ACAD8: variants seen among roughly 807,000 people sequenced by gnomAD.
The protein encoded by ACAD8 is isobutyryl-CoA dehydrogenase, mitochondrial.
ACAD8 carries 47 observed loss-of-function variants against 53.1 expected under a neutral mutation model. The observed-to-expected ratio is 0.89, with a 90% CI of 0.70 to 1.13. The LOEUF (loss-of-function observed/expected upper bound fraction) is 1.13, where lower values mean the gene tolerates loss of function less well. Ranked by LOEUF, ACAD8 falls within the 50% of genes most tolerant of loss-of-function variation. The probability of loss-of-function intolerance (pLI) is 0.00; values close to 1 mark genes in which losing one functional copy is unlikely to be tolerated. For synonymous variants in ACAD8, 198 were observed against 201.3 expected (o/e 0.98, Z 0.14); for missense variants, 494 against 535.0 (o/e 0.92, Z 0.76).
At chr11:134,257,692 A>G (rs897700847) in intron 3 of ACAD8, 1 of 287,068 alleles carries the variant, frequency 3.5e-6, no homozygotes. Flanking sequence ...AATAAATAAA[A>G]TAAGTACACG....
chr11:134,259,732 A>G lies in ACAD8; in HGVS notation c.692A>G (p.Lys231Arg). 6.2e-7 allele frequency: 1 copy of G among 1,614,226 alleles called. No individual in the cohort carries two copies. The highest frequency in any genetic ancestry group is 8.5e-7 in the Non-Finnish European group (1 of 1,180,042). ...GGGACCCCTGGCCTCAGCTTTGGCA[A>G]GAAGGAGAAAAAGGTGAGTGGCTGT... The part of the protein sequence containing the change: ...EKGTPGLSFG[K>R]KEKKVGWNSQ... The change falls in exon 6 of 11, where the codon AAG (lysine) becomes AGG (arginine). Residue 231 changes from lysine (K) to arginine (R), a missense_variant. Transcript: ENST00000281182.
At chr11:134,258,158 C>T (rs928485022) in intron 3 of ACAD8, 36 of 353,388 alleles carry the variant, frequency 1.0e-4, no homozygotes, top group Middle Eastern at 9.8e-4. Context: ...CCCCTCTCAC[C>T]CTTTTCCTCA....
intron 1 of ACAD8, among the ~76,000 whole-genome samples, chr11:134,256,142 G>A (rs891149988): frequency 1.3e-5 from 2 of 152,258 alleles, no homozygotes; most frequent in South Asian, 4.1e-4. Flanking sequence ...CCTGACCTCA[G>A]GTGATCTGCC....
chr11:134,259,124 TC>T (rs1438404053), intron 5 of ACAD8, 40 bp downstream of exon 5: 1 of 1,570,990 alleles, frequency 6.4e-7, no homozygotes, highest in Non-Finnish European at 8.8e-7. Flanking sequence ...TGGAGATTGT[TC>T]CCAGCTTCCT....
chr11:134,265,628 G>A lies in ACAD8; in HGVS notation c.*668G>A, dbSNP rs564863661. On this transcript the variant is annotated 3_prime_UTR_variant, in exon 11 of 11. Transcript: ENST00000281182. ...GCCTGTGGTCTAGGAGTGCTATTCA[G>A]TGTTTCTTTTCCTGATAAACACTTT... 4 of 152,308 alleles carry A rather than the reference G, an allele frequency of 2.6e-5. No homozygotes were observed. The South Asian group carries it at 6.2e-4, about 24-fold the overall frequency. The allele number at this position is 152,308 out of a possible 1,614,324, so 9.4% of individuals were successfully genotyped here.
At chr11:134,264,607 T>C (rs1940084018) in intron 10 of ACAD8, among the ~76,000 whole-genome samples, 1 of 152,256 alleles carries the variant, frequency 6.6e-6, no homozygotes, top group South Asian at 2.1e-4. Flanking sequence ...TCTGCCTTTG[T>C]TGGTACATTT....
chr11:134,259,011 G>T lies in ACAD8; in HGVS notation c.494G>T (p.Ser165Ile). Residue 165 changes from serine (S) to isoleucine (I), a missense_variant, in exon 5 of 11, where the codon AGT becomes ATT. Ser to Ile is a moderately radical substitution (Grantham distance 142). Transcript: ENST00000281182. ...FASYCLTEPGSGSDAASLLTS... is the reference protein window; with the variant it reads ...FASYCLTEPGIGSDAASLLTS... Reference sequence around the variant, plus strand: ...CTGCCTTTTGATCCCTCCTCAGGAAGTGGGAGTGATGCTGCCTCTCTTCTG... The same window carrying T: ...CTGCCTTTTGATCCCTCCTCAGGAATTGGGAGTGATGCTGCCTCTCTTCTG... 1 of 1,613,932 alleles carries T rather than the reference G, an allele frequency of 6.2e-7. No individual in the cohort carries two copies. Among genetic ancestry groups the T allele is most frequent in the Non-Finnish European group, 8.5e-7 (1 of 1,179,838 alleles).
chr11:134,263,527 GTT>G lies in ACAD8; in HGVS notation c.1195+906_1195+907del, dbSNP rs988250615. Reference sequence around the variant, plus strand: ...ACACTTTGAGACCCACCGCTCTGGTGTTAATGTCAGAGTCACAGGCTACCACA... The same window carrying G: ...ACACTTTGAGACCCACCGCTCTGGTGAATGTCAGAGTCACAGGCTACCACA... On this transcript the variant is annotated intron_variant, in intron 10 of 10. Coordinates refer to ENST00000281182, the MANE Select transcript of ACAD8 (RefSeq NM_014384.3). The G allele has an allele frequency of 1.5e-5, 15 of 985,400 alleles. No individual in the cohort carries two copies. The African/African-American group carries it at 2.4e-4, about 16-fold the overall frequency. The allele number at this position is 985,400 out of a possible 1,614,324, so 61.0% of individuals were successfully genotyped here. A position where few individuals can be genotyped will look rare whatever the true frequency, so the allele number is the denominator to read the frequency against.
rs1370418416 is a variant in ACAD8 at position 134,262,684 on chromosome 11, C to T, written c.1195+62C>T. The T allele has an allele frequency of 1.9e-6, 3 of 1,546,548 alleles. No individual in the cohort carries two copies. In the African/African-American group the frequency reaches 4.1e-5, roughly 21 times the overall value. The stretch of plus-strand genomic sequence containing the variant: ...ACGGGGGCGGGATCGCTGCTTTCCC[C>T]ACTCTCTGTCCCCATGCCTCCTGGG... On this transcript the variant is annotated intron_variant, in intron 10 of 10. Transcript: ENST00000281182.
intron 3 of ACAD8, 199 bp from the exon 4 acceptor site, chr11:134,258,316 T>C: frequency 1.6e-6 from 1 of 624,880 alleles, no homozygotes; most frequent in Non-Finnish European, 2.9e-6. Flanking sequence ...TGGTTATCTC[T>C]GGGTAGTCCT....
chr11:134,263,195 A>C, intron 10 of ACAD8: 1 of 1,050,202 alleles, frequency 9.5e-7, no homozygotes, highest in Non-Finnish European at 1.2e-6. Context: ...CACTCTCTAC[A>C]GCCAGTGCGG....
rs988375342 is a variant in ACAD8 at position 134,263,279 on chromosome 11, C to T, written c.1195+657C>T. 7 of 1,001,608 alleles carry T rather than the reference C, an allele frequency of 7.0e-6. No individual in the cohort carries two copies. The Admixed American group carries it at 3.2e-4, about 46-fold the overall frequency. The allele number at this position is 1,001,608 out of a possible 1,614,324, so 62.0% of individuals were successfully genotyped here. A position where few individuals can be genotyped will look rare whatever the true frequency, so the allele number is the denominator to read the frequency against. ...TCTTTGAGTGACTTCGGTGAAGCAA[C>T]GTGAGGCTGCCTTGCTGGAAACATT... is the stretch of plus-strand genomic sequence containing the variant. On this transcript the variant is annotated intron_variant, in intron 10 of 10. Coordinates refer to ENST00000281182, the MANE Select transcript of ACAD8 (RefSeq NM_014384.3).
chr11:134,264,060 G>T (rs1940051519), intron 10 of ACAD8: 1 of 984,636 alleles, frequency 1.0e-6, no homozygotes, highest in African/African-American at 1.7e-5. Flanking sequence ...ATTAGGAAAA[G>T]TAGGCTGGGT....
In ACAD8 at chr11:134,259,598, AC is replaced by A. The variant is rs761246201; in HGVS notation, c.568-5del. 8 of 1,613,520 alleles carry A rather than the reference AC, an allele frequency of 5.0e-6. No homozygotes were observed. The highest frequency in any genetic ancestry group is 6.8e-6 in the Non-Finnish European group (8 of 1,179,862). ...TCCCTGGTCCTTTTGCACCCCTTTTACCCCCACAGGCCTTCATCAGTGGTGC... is the reference window on the plus strand; with the variant it reads ...TCCCTGGTCCTTTTGCACCCCTTTTACCCCACAGGCCTTCATCAGTGGTGC... On this transcript the variant is annotated splice_polypyrimidine_tract_variant and intron_variant, in intron 5 of 10. Coordinates refer to ENST00000281182, the MANE Select transcript of ACAD8 (RefSeq NM_014384.3).
rs575574366 is a variant in ACAD8 at position 134,257,936 on chromosome 11, G to A, written c.381-579G>A. ...ATGACCTCGGCTCACTGCAACCTCCGTCTCCCCGGTTCAAGTGATTCTCCT... is the reference window on the plus strand; with the variant it reads ...ATGACCTCGGCTCACTGCAACCTCCATCTCCCCGGTTCAAGTGATTCTCCT... On this transcript the variant is annotated intron_variant, in intron 3 of 10. Transcript: ENST00000281182. 2.2e-3 allele frequency: 376 copies of A among 173,196 alleles called. 3 individuals are homozygous for A. Among genetic ancestry groups the A allele is most frequent in the African/African-American group, 2.0e-3 (85 of 41,702 alleles). 10.7% of individuals were successfully genotyped at this position (173,196 alleles called of 1,614,324 possible). A position where few individuals can be genotyped will look rare whatever the true frequency, so the allele number is the denominator to read the frequency against.
Position 134,265,047 on chromosome 11 carries a change from C to T in ACAD8, c.*87C>T. The T allele has an allele frequency of 1.4e-6, 2 of 1,434,924 alleles. No homozygotes were observed. Among genetic ancestry groups the T allele is most frequent in the Admixed American group, 3.3e-5 (2 of 59,794 alleles). 88.9% of individuals were successfully genotyped at this position (1,434,924 alleles called of 1,614,324 possible). On this transcript the variant is annotated 3_prime_UTR_variant, in exon 11 of 11. Transcript: ENST00000281182. ...GTGGGCCGCTCTATTCCAAAGGAATCATGGATTAGACCCAAGGGCTGAGCT... is the reference window on the plus strand; with the variant it reads ...GTGGGCCGCTCTATTCCAAAGGAATTATGGATTAGACCCAAGGGCTGAGCT...
In ACAD8 at chr11:134,261,921, G is replaced by A; in HGVS notation, c.1092+31G>A. 1 of 1,612,220 alleles carries A rather than the reference G, an allele frequency of 6.2e-7. No homozygotes were observed. The highest frequency in any genetic ancestry group is 8.5e-7 in the Non-Finnish European group (1 of 1,179,888). ...TGATTCCTCTGGCTCTCCTGGGATGGACAGGGAACAGCTGCTAGGCCCAGG... is the reference window on the plus strand; with the variant it reads ...TGATTCCTCTGGCTCTCCTGGGATGAACAGGGAACAGCTGCTAGGCCCAGG... On this transcript the variant is annotated intron_variant, in intron 9 of 10. Transcript: ENST00000281182. This position sits in a 1 kb window ranked among gnomAD's most constrained non-coding sequence, Gnocchi z 4.2.
chr11:134,255,300 T>C (rs1939455063), intron 1 of ACAD8, among the ~76,000 whole-genome samples: 1 of 152,128 alleles, frequency 6.6e-6, no homozygotes, highest in Non-Finnish European at 1.5e-5. Context: ...CATGCCCAGC[T>C]AATTTTTATA....
intron 1 of ACAD8, among the ~76,000 whole-genome samples, chr11:134,255,690 C>A (rs1424947606): frequency 1.3e-5 from 2 of 152,198 alleles, no homozygotes. Context: ...CAGAACTCTT[C>A]ATTTCTGACT....
Sources: gnomAD v4.1 joint callset for allele counts (sites outside exome capture counted in the v4.1 genomes callset) on GRCh38, gnomAD v4.1.1 for gene constraint, Gnocchi (gnomAD v3.1) non-coding constraint, MANE v1.5 for transcripts, NCBI Gene and HGNC (gene_info 2026-07-23, HGNC 2026-07-21) for gene names.